The following PCDH7 variants were observed in gnomAD, a reference collection of about 807,000 sequenced individuals.
PCDH7 encodes protocadherin 7, also known as protocadherin-7.
Under a neutral mutation model 58.9 loss-of-function variants are expected in PCDH7, and 17 were observed. The observed-to-expected ratio is 0.29, with a 90% CI of 0.20 to 0.43. PCDH7 has a LOEUF of 0.43. PCDH7 is among the 20% of genes least tolerant of loss of function. The probability of loss-of-function intolerance (pLI) is 1.00; values close to 1 mark genes in which losing one functional copy is unlikely to be tolerated. For synonymous variants in PCDH7, 664 were observed against 616.4 expected (o/e 1.08, Z -1.14); for missense variants, 1,274 against 1,441.0 (o/e 0.88, Z 1.88).
chr4:31,124,468 A>C (rs563772389), intron 3 of PCDH7, among the ~76,000 whole-genome samples: 1 of 152,272 alleles, frequency 6.6e-6, no homozygotes, highest in Non-Finnish European at 1.5e-5. Flanking sequence ...TGAAAGTGAA[A>C]GATTACACCA....
chr4:30,764,628 T>A (rs16884054), intron 1 of PCDH7, among the ~76,000 whole-genome samples: 5,435 of 152,280 alleles, frequency 0.036, 236 homozygotes, highest in African/African-American at 0.1. Flanking sequence ...TAGGTTTCAC[T>A]AGATCTTTAT....
At chr4:30,737,700 A>G (rs1313614020), downstream of PCDH7, among the ~76,000 whole-genome samples, 1 of 152,200 alleles carries the variant, frequency 6.6e-6, no homozygotes, top group Non-Finnish European at 1.5e-5. Context: ...GGGTATTGTG[A>G]GAATGACTTT....
chr4:30,827,148 C>T (rs1283886871), intron 1 of PCDH7, among the ~76,000 whole-genome samples: 5 of 152,136 alleles, frequency 3.3e-5, no homozygotes, highest in African/African-American at 9.7e-5. Context: ...GGGTTTTTAA[C>T]TTATATGTCA....
chr4:30,885,184 C>T (rs1737541049), intron 1 of PCDH7: 1 of 152,108 alleles, frequency 6.6e-6, no homozygotes, highest in Non-Finnish European at 1.5e-5. Flanking sequence ...TGGGAGCACC[C>T]TTGCTTTCCA....
At chr4:30,827,040 G>T (rs1337301075) in intron 1 of PCDH7, among the ~76,000 whole-genome samples, 1 of 152,058 alleles carries the variant, frequency 6.6e-6, no homozygotes, top group Non-Finnish European at 1.5e-5. Flanking sequence ...AAACAATGAG[G>T]ATACATTTTC....
At chr4:30,799,886 C>G (rs1265024933) in intron 1 of PCDH7, among the ~76,000 whole-genome samples, 1 of 150,986 alleles carries the variant, frequency 6.6e-6, no homozygotes, top group Non-Finnish European at 1.5e-5. Flanking sequence ...CGGAGTCTCA[C>G]TCTGTCACCC....
At chr4:30,949,021 T>C (rs1173831231) in intron 2 of PCDH7, among the ~76,000 whole-genome samples, 2 of 152,132 alleles carry the variant, frequency 1.3e-5, no homozygotes, top group Admixed American at 6.6e-5. Flanking sequence ...GAAACAAGAA[T>C]GCAAACACGT....
chr4:31,023,276 G>A (rs1754172310), intron 3 of PCDH7, among the ~76,000 whole-genome samples: 1 of 152,140 alleles, frequency 6.6e-6, no homozygotes, highest in Non-Finnish European at 1.5e-5. Flanking sequence ...AGCTGGTTAT[G>A]GTTTAAAGAG....
At chr4:30,944,447 C>T (rs911937018) in intron 2 of PCDH7, among the ~76,000 whole-genome samples, 10 of 151,978 alleles carry the variant, frequency 6.6e-5, no homozygotes, top group African/African-American at 1.9e-4. Flanking sequence ...AGATATACCC[C>T]ACATAAGCAA....
chr4:31,066,733 T>C lies in PCDH7; in HGVS notation c.*8-75740T>C, dbSNP rs73812510. On this transcript the variant is annotated intron_variant, in intron 3 of 3. Transcript: ENST00000509759. ...GACACAATACTTAACATCCCAAATA[T>C]GCTTTCACATATGGAGAGTACCATC... Among the ~76,000 whole-genome samples, 525 of 152,062 alleles carry C rather than the reference T, an allele frequency of 3.5e-3. 2 individuals carry two copies. Among genetic ancestry groups the C allele is most frequent in the African/African-American group, 0.012 (507 of 41,508 alleles).
chr4:31,058,734 T>C (rs1031117327), intron 3 of PCDH7, among the ~76,000 whole-genome samples: 1 of 152,040 alleles, frequency 6.6e-6, no homozygotes, highest in Non-Finnish European at 1.5e-5. Flanking sequence ...GGCAATCTAG[T>C]GGCAAACCTA....
intron 3 of PCDH7, among the ~76,000 whole-genome samples, chr4:31,034,928 G>C (rs751361847): frequency 2.0e-5 from 3 of 152,218 alleles, no homozygotes; most frequent in Non-Finnish European, 2.9e-5. Context: ...GCATCCACAG[G>C]TTGGAAAATG....
At chr4:30,876,791 G>C (rs1424650150) in intron 1 of PCDH7, among the ~76,000 whole-genome samples, 6 of 151,886 alleles carry the variant, frequency 4.0e-5, no homozygotes, top group Non-Finnish European at 8.8e-5. Flanking sequence ...AGAATGTCCA[G>C]GTTTGCTACA....
intron 1 of PCDH7, among the ~76,000 whole-genome samples, chr4:30,873,097 G>A (rs1044959002): frequency 2.0e-5 from 3 of 151,938 alleles, no homozygotes; most frequent in African/African-American, 7.3e-5. Flanking sequence ...TGTTCTTTTT[G>A]TGATTTATCA....
At chr4:30,876,943 C>A (rs1460426190) in intron 1 of PCDH7, among the ~76,000 whole-genome samples, 1 of 151,948 alleles carries the variant, frequency 6.6e-6, no homozygotes, top group Non-Finnish European at 1.5e-5. Flanking sequence ...GTGTGATGTT[C>A]CCCTCCCTGT....
intron 3 of PCDH7, among the ~76,000 whole-genome samples, chr4:31,007,958 A>G (rs1035465558): frequency 1.3e-5 from 2 of 152,126 alleles, no homozygotes; most frequent in Non-Finnish European, 2.9e-5. Context: ...CCTTCCTGTT[A>G]CAACTATTGC....
At chr4:30,741,110 G>A (rs1321414034) in intron 1 of PCDH7, among the ~76,000 whole-genome samples, 7 of 151,874 alleles carry the variant, frequency 4.6e-5, no homozygotes, top group Non-Finnish European at 8.8e-5. Flanking sequence ...GTTATATAAT[G>A]TTTTTAATAC....
At chr4:30,990,036 G>C (rs1281212647) in intron 3 of PCDH7, among the ~76,000 whole-genome samples, 3 of 151,950 alleles carry the variant, frequency 2.0e-5, no homozygotes, top group Non-Finnish European at 4.4e-5. Context: ...CAGACTAATA[G>C]ACTGAAGGAC....
chr4:31,064,375 C>T (rs535607114), intron 3 of PCDH7, among the ~76,000 whole-genome samples: 3 of 151,976 alleles, frequency 2.0e-5, no homozygotes, highest in African/African-American at 4.8e-5. Flanking sequence ...AGTAAGTTCT[C>T]TCTGTGTTTG....
Sources: allele counts gnomAD v4.1 joint callset (sites outside exome capture counted in the v4.1 genomes callset), GRCh38; gene constraint gnomAD v4.1.1; transcripts MANE v1.5; gene names NCBI Gene and HGNC (gene_info 2026-07-23, HGNC 2026-07-21).